TBCA: variants seen among roughly 807,000 people sequenced by gnomAD.
The protein encoded by TBCA is tubulin-specific chaperone A.
TBCA carries 6 observed loss-of-function variants against 15.8 expected under a neutral mutation model. The ratio of observed to expected loss-of-function variants is 0.38; its 90% CI spans 0.21 to 0.75. The LOEUF (loss-of-function observed/expected upper bound fraction) is 0.75, where lower values mean the gene tolerates loss of function less well. TBCA is among the 30% of genes least tolerant of loss of function. The pLI, the probability that TBCA is intolerant of heterozygous loss-of-function variation, is 0.46. For synonymous variants in TBCA, 32 were observed against 42.3 expected (o/e 0.76, Z 0.94); for missense variants, 90 against 131.2 (o/e 0.69, Z 1.53).
At chr5:77,708,413 G>C in intron 1 of TBCA, 66 bp from the exon 2 acceptor site, 1 of 919,768 alleles carries the variant, frequency 1.1e-6, no homozygotes, top group Non-Finnish European at 1.7e-6. Context: ...AAGAAACTGT[G>C]TAAATATAAA....
intron 1 of TBCA, chr5:77,715,406 T>C: frequency 6.5e-6 from 4 of 615,004 alleles, no homozygotes; most frequent in Non-Finnish European, 1.2e-5. Context: ...TGAGCTCTTA[T>C]GAAAACATCT....
At chr5:77,691,525 G>A in intron 3 of TBCA, 27 bp from the exon 4 acceptor site, 1 of 1,548,748 alleles carries the variant, frequency 6.5e-7, no homozygotes, top group Non-Finnish European at 8.7e-7. Flanking sequence ...TAAAAATTAA[G>A]TTTATCCTTT....
At position 77,717,175 on chromosome 5, in the gene TBCA, C is replaced by T. The variant is rs573043622; in HGVS notation, c.54-8828G>A. On this transcript the variant is annotated intron_variant, in intron 1 of 3. Coordinates refer to ENST00000380377, the MANE Select transcript of TBCA (RefSeq NM_004607.3). ...TTACTAAATCAACCAACCGTAAAAG[C>T]GTACTGCTTCTAGTTTTCTTATTGC... 5.9e-5 allele frequency among the ~76,000 whole-genome samples: 9 copies of T among 152,272 alleles called. No individual in the cohort carries two copies. In the East Asian group the frequency reaches 1.5e-3, roughly 26 times the overall value.
Position 77,699,033 on chromosome 5 carries a change from CAAAAA to C in TBCA, c.160-5686_160-5682del, listed in dbSNP as rs71608119. Reference sequence around the variant, plus strand: ...AAAACAATACCATTTGCAAGAGCATCAAAAAAAAAAAAAAAAAAAAAAAAAGAAAT... The same window carrying C: ...AAAACAATACCATTTGCAAGAGCATCAAAAAAAAAAAAAAAAAAAAGAAAT... On this transcript the variant is annotated intron_variant, in intron 2 of 3. Transcript: ENST00000380377. 1.8e-3 allele frequency among the ~76,000 whole-genome samples: 123 copies of C among 70,088 alleles called. 1 individual carries two copies. Among genetic ancestry groups the C allele is most frequent in the African/African-American group, 6.6e-3 (103 of 15,570 alleles). The allele number at this position is 70,088 out of a possible 152,430, so 46.0% of individuals were successfully genotyped here.
intron 2 of TBCA, 70 bp downstream of exon 2, chr5:77,708,172 T>C (rs1218122730): frequency 3.9e-6 from 4 of 1,033,490 alleles, no homozygotes; most frequent in East Asian, 2.5e-5. Context: ...AGAGGACTAC[T>C]GTAAAAACTA....
In TBCA at chr5:77,692,440, T is replaced by C. The variant is rs1745773547; in HGVS notation, c.246+826A>G. ...ACAAATATATCATCCAAATACATTA[T>C]TATTATTATTATTATTTTGGTATTT... On this transcript the variant is annotated intron_variant, in intron 3 of 3. Transcript: ENST00000380377. 5.3e-6 allele frequency: 5 copies of C among 947,476 alleles called. No individual in the cohort carries two copies. The African/African-American group carries it at 7.1e-5, about 13-fold the overall frequency. The allele number at this position is 947,476 out of a possible 1,614,324, so 58.7% of individuals were successfully genotyped here.
chr5:77,763,643 T>C lies in TBCA; in HGVS notation c.53+12562A>G, dbSNP rs7713662. ...GACCTCAGAGAGCTCTCCAGATCTC[T>C]TCCCACCACTCGAGGATACAATGAG... On this transcript the variant is annotated intron_variant, in intron 1 of 3. Transcript: ENST00000380377. Among the ~76,000 whole-genome samples, 584 of 152,296 alleles carry C rather than the reference T, an allele frequency of 3.8e-3. 4 individuals carry two copies. The highest frequency in any genetic ancestry group is 0.012 in the African/African-American group (494 of 41,552).
At chr5:77,760,401 T>TTCCTTTCC (rs1327955256) in intron 1 of TBCA, among the ~76,000 whole-genome samples, 1 of 152,080 alleles carries the variant, frequency 6.6e-6, no homozygotes, top group Non-Finnish European at 1.5e-5. Flanking sequence ...TTCCTTTCCT[T>TTCCTTTCC]TCCTTTCCTC....
rs1399940666 is a variant in TBCA at position 77,692,257 on chromosome 5, T to C, written c.247-759A>G. On this transcript the variant is annotated intron_variant, in intron 3 of 3. Transcript: ENST00000380377. ...GGAAATAAAGTATGTGTGTATTTAATATGAAAACTGAAAGCAAAACGACTG... is the reference window on the plus strand; with the variant it reads ...GGAAATAAAGTATGTGTGTATTTAACATGAAAACTGAAAGCAAAACGACTG... 5.1e-6 allele frequency: 5 copies of C among 985,274 alleles called. No individual in the cohort carries two copies. In the East Asian group the frequency reaches 4.5e-4, roughly 89 times the overall value. 61.0% of individuals were successfully genotyped at this position (985,274 alleles called of 1,614,324 possible).
chr5:77,716,684 T>C (rs1045068985), intron 1 of TBCA, among the ~76,000 whole-genome samples: 1 of 152,214 alleles, frequency 6.6e-6, no homozygotes, highest in African/African-American at 2.4e-5. Context: ...AAAGAACTGT[T>C]AAACTCCATA....
intron 1 of TBCA, among the ~76,000 whole-genome samples, chr5:77,750,203 T>C (rs976463543): frequency 6.6e-6 from 1 of 151,764 alleles, no homozygotes; most frequent in Non-Finnish European, 1.5e-5. Context: ...CACACACACA[T>C]ATTTGTGCCA....
At chr5:77,748,131 G>GA (rs559847769) in intron 1 of TBCA, among the ~76,000 whole-genome samples, 7 of 151,848 alleles carry the variant, frequency 4.6e-5, no homozygotes, top group African/African-American at 1.7e-4. Context: ...TGATAAAACT[G>GA]AAAAAAATGG....
intron 1 of TBCA, among the ~76,000 whole-genome samples, chr5:77,741,150 G>T (rs2112480203): frequency 6.6e-6 from 1 of 152,262 alleles, no homozygotes; most frequent in Admixed American, 6.5e-5. Context: ...AAAGAAATCA[G>T]ACTACAATGG....
chr5:77,722,718 A>G (rs536251363), intron 1 of TBCA, among the ~76,000 whole-genome samples: 80 of 152,094 alleles, frequency 5.3e-4, no homozygotes, highest in African/African-American at 1.9e-3. Flanking sequence ...ATGATGAAAA[A>G]GTAATATGCA....
chr5:77,760,789 C>T (rs540282014), intron 1 of TBCA, among the ~76,000 whole-genome samples: 149 of 152,320 alleles, frequency 9.8e-4, no homozygotes, highest in Non-Finnish European at 1.6e-3. Flanking sequence ...ACCTCCCAGC[C>T]GCCTGCCTTG....
intron 1 of TBCA, among the ~76,000 whole-genome samples, chr5:77,775,731 T>C (rs1236101823): frequency 6.6e-6 from 1 of 152,152 alleles, no homozygotes; most frequent in East Asian, 1.9e-4. Flanking sequence ...ACGGCTCCAC[T>C]ACGGTCTTTT....
At chr5:77,712,722 TAA>T (rs975069453) in intron 1 of TBCA, among the ~76,000 whole-genome samples, 2 of 152,232 alleles carry the variant, frequency 1.3e-5, no homozygotes, top group African/African-American at 2.4e-5. Context: ...TCAAATGAGA[TAA>T]AATGATTTAT....
intron 1 of TBCA, among the ~76,000 whole-genome samples, chr5:77,767,723 T>G (rs1257067532): frequency 6.6e-6 from 1 of 152,196 alleles, no homozygotes; most frequent in Non-Finnish European, 1.5e-5. Flanking sequence ...CACAAGCTTT[T>G]ATCACAATTT....
chr5:77,700,030 C>CAAAAAAAA (rs67790719), intron 2 of TBCA, among the ~76,000 whole-genome samples: 1 of 86,110 alleles, frequency 1.2e-5, no homozygotes. Context: ...GGCTCTGACT[C>CAAAAAAAA]AAAAAAAAAA....
Sources: allele counts gnomAD v4.1 joint callset (sites outside exome capture counted in the v4.1 genomes callset), GRCh38; gene constraint gnomAD v4.1.1; transcripts MANE v1.5; gene names NCBI Gene and HGNC (gene_info 2026-07-23, HGNC 2026-07-21).